Variants in DMPK observed in about 807,000 individuals in gnomAD.
The protein encoded by DMPK is DM1 protein kinase, also known as myotonin-protein kinase.
A neutral mutation model predicts 70.3 loss-of-function variants in DMPK; 32 were observed. The ratio of observed to expected loss-of-function variants is 0.46; its 90% CI spans 0.34 to 0.61. The LOEUF (loss-of-function observed/expected upper bound fraction) is 0.61, where lower values mean the gene tolerates loss of function less well. Among genes scored for constraint, DMPK ranks in the 20% least tolerant of loss-of-function variants. The pLI is 0.01. For synonymous variants in DMPK, 469 were observed against 390.9 expected, an observed-to-expected ratio of 1.20 and a Z score of -2.36; for missense variants, 899 against 886.0, an observed-to-expected ratio of 1.01 and a Z score of -0.19.
chr19:45,771,637 G>C lies in DMPK; in HGVS notation c.1531C>G (p.Arg511Gly). 1 of 1,614,014 alleles carries C rather than the reference G, an allele frequency of 6.2e-7. No homozygotes were observed. The highest frequency in any genetic ancestry group is 8.5e-7 in the Non-Finnish European group (1 of 1,179,946). The change falls in exon 12 of 15, where the codon CGG becomes GGG. Residue 511 changes from arginine to glycine, a missense_variant. Physicochemically the swap from Arg to Gly is moderately radical, Grantham distance 125. This residue lies in a region of DMPK where 555 missense variants were observed against 483.8 expected (regional missense o/e 1.15). Transcript: ENST00000291270. ...SQLREAEARN[R>G]DLEAHVRQLQ... ...TGCCGGACGTGTGCCTCTAGGTCCC[G>C]GTTCCGAGCCTCTGCCTCGCGTAGT...
Position 45,772,747 on chromosome 19 carries a change from C to G in DMPK, c.1238G>C (p.Ser413Thr), listed in dbSNP as rs1201374782. The change falls in exon 10 of 15, where the codon AGT becomes ACT. Residue 413 changes from serine to threonine, a missense_variant. Transcript: ENST00000291270. ...CATGGGTGTGGGGCCTGGGACCTCACTGTCCCTGGGGAGAGGAGGAGGGAG... is the reference window on the plus strand; with the variant it reads ...CATGGGTGTGGGGCCTGGGACCTCAGTGTCCCTGGGGAGAGGAGGAGGGAG... ...YSYSCMALRD[S>T]EVPGPTPMEL... The G allele has an allele frequency of 5.4e-6, 8 of 1,492,514 alleles. No individual in the cohort carries two copies. The highest frequency in any genetic ancestry group is 7.1e-6 in the Non-Finnish European group (8 of 1,129,456). 92.5% of individuals were successfully genotyped at this position (1,492,514 alleles called of 1,614,324 possible). A position where few individuals can be genotyped will look rare whatever the true frequency, so the allele number is the denominator to read the frequency against.
In DMPK at chr19:45,770,935, G is replaced by T. The variant is rs937784339; in HGVS notation, c.1737+36C>A. On this transcript the variant is annotated intron_variant, in intron 14 of 14. Transcript: ENST00000291270. ...GCAAGGGGCGGGTGGAGCGCGGGGC[G>T]CGACGGCGGAGGGGGGCGTGGGCAG... The T allele has an allele frequency of 4.4e-6, 6 of 1,378,038 alleles. No homozygotes were observed. In the South Asian group the frequency reaches 6.1e-5, roughly 14 times the overall value. 85.4% of individuals were successfully genotyped at this position (1,378,038 alleles called of 1,614,324 possible).
chr19:45,774,204 A>G (rs953671889), intron 9 of DMPK, among the ~76,000 whole-genome samples: 1 of 150,622 alleles, frequency 6.6e-6, no homozygotes, highest in Admixed American at 6.6e-5. Flanking sequence ...CACCCACCTC[A>G]TCCTCCCAAA....
chr19:45,771,629 T>G lies in DMPK; in HGVS notation c.1539A>C (p.Leu513=), dbSNP rs757038408. The G allele has an allele frequency of 2.0e-5, 33 of 1,613,878 alleles. 1 individual carries two copies. In the East Asian group the frequency reaches 6.2e-4, roughly 31 times the overall value. ...CCTGCAACTGCCGGACGTGTGCCTCTAGGTCCCGGTTCCGAGCCTCTGCCT... is the reference window on the plus strand; with the variant it reads ...CCTGCAACTGCCGGACGTGTGCCTCGAGGTCCCGGTTCCGAGCCTCTGCCT... ...LREAEARNRD[L]EAHVRQLQER... Residue 513 remains leucine (L), a synonymous_variant, in exon 12 of 15, where the codon CTA becomes CTC. Coordinates refer to ENST00000291270, the MANE Select transcript of DMPK (RefSeq NM_004409.5).
chr19:45,779,492 G>A lies in DMPK; in HGVS notation c.283C>T (p.Gln95Ter). The A allele has an allele frequency of 1.2e-6, 2 of 1,613,824 alleles. No individual in the cohort carries two copies. The highest frequency in any genetic ancestry group is 2.2e-5 in the East Asian group (1 of 44,884). ...VAVVKMKQTG[Q>*]VYAMKIMNKW... The stretch of plus-strand genomic sequence containing the variant: ...TTCATGATCTTCATGGCATACACCT[G>A]GCCCGTCTGCTTCATCTTCACTACC... Residue 95 changes from glutamine (Q) to a stop codon, truncating the protein, a stop_gained, in exon 3 of 15, where the codon CAG becomes TAG. Coordinates refer to ENST00000291270, the MANE Select transcript of DMPK (RefSeq NM_004409.5). LOFTEE classifies it high-confidence loss of function.
At chr19:45,773,058 G>A (rs1002951004) in intron 9 of DMPK, among the ~76,000 whole-genome samples, 14 of 152,168 alleles carry the variant, frequency 9.2e-5, no homozygotes, top group African/African-American at 2.2e-4. Context: ...ACATGTGACC[G>A]CTGCAGACCC....
intron 4 of DMPK, 61 bp downstream of exon 4, chr19:45,779,203 C>G: frequency 6.5e-7 from 1 of 1,550,006 alleles, no homozygotes; most frequent in South Asian, 1.1e-5. Flanking sequence ...TCCCCACCTC[C>G]TCGTCCAGTG....
chr19:45,778,528 G>C lies in DMPK; in HGVS notation c.546C>G (p.Ala182=), dbSNP rs1397833249. 9 of 1,613,808 alleles carry C rather than the reference G, an allele frequency of 5.6e-6. No homozygotes were observed. The highest frequency in any genetic ancestry group is 6.8e-6 in the Non-Finnish European group (8 of 1,180,026). The change falls in exon 5 of 15, where the codon GCC becomes GCG. Residue 182 remains alanine (A), a synonymous_variant. Transcript: ENST00000291270. ...AGCCAAGCCGGTGCACCGAGTCTAT[G>C]GCCATGACAATCTCCGCCAGGTAGA... ...ARFYLAEIVM[A]IDSVHRLGYV... is the part of the protein sequence containing the mutation.
chr19:45,774,673 C>T (rs895662102), intron 9 of DMPK, among the ~76,000 whole-genome samples: 3 of 152,174 alleles, frequency 2.0e-5, no homozygotes, highest in Non-Finnish European at 2.9e-5. Context: ...GTTCTGAAGT[C>T]CTGTGGCTCT....
rs56411618 is a variant in DMPK, at chr19:45,778,181, G to A, written c.621C>T (p.Gly207=). Residue 207 remains glycine (G), a synonymous_variant, in exon 6 of 15, where the codon GGC becomes GGT. Transcript: ENST00000291270. ...AGCCGAAGTCGGCCAGGCGGATGTG[G>A]CCACAGCGGTCCAGCAGGATGTTGT... ...KPDNILLDRC[G]HIRLADFGSC... is the part of the protein sequence containing the mutation. The A allele has an allele frequency of 1.0e-3, 1,674 of 1,613,838 alleles. 29 individuals carry two copies. In the East Asian group the frequency reaches 0.033, roughly 32 times the overall value.
chr19:45,774,994 A>T lies in DMPK; in HGVS notation c.1187T>A (p.Val396Asp). Residue 396 changes from valine (V) to aspartate (D), a missense_variant, in exon 9 of 15, where the codon GTC (valine) becomes GAC (aspartate). Val to Asp is a radical substitution (Grantham distance 152). Around this residue, in one of 3 missense-constraint regions of DMPK, gnomAD observed 555 missense variants for 483.8 expected, o/e 1.15. Transcript: ENST00000291270. ...GGAGTAGCCCACAAAAGGCAGGTGGACCCCTAGCGGCGCACCTTCCCGAAT... is the reference window on the plus strand; with the variant it reads ...GGAGTAGCCCACAAAAGGCAGGTGGTCCCCTAGCGGCGCACCTTCCCGAAT... The part of the protein sequence containing the change: ...SDIREGAPLG[V>D]HLPFVGYSYS... The T allele has an allele frequency of 6.2e-6, 10 of 1,613,610 alleles. No individual in the cohort carries two copies. The highest frequency in any genetic ancestry group is 7.6e-6 in the Non-Finnish European group (9 of 1,179,930).
At position 45,782,307 on chromosome 19, in the gene DMPK, C is replaced by A; in HGVS notation, c.46G>T (p.Asp16Tyr). 6.3e-7 allele frequency: 1 copy of A among 1,591,638 alleles called. No homozygotes were observed. Residue 16 changes from aspartate (D) to tyrosine (Y), a missense_variant, in exon 1 of 15, where the codon GAC becomes TAC. Physicochemically the swap from Asp to Tyr is radical, Grantham distance 160. Coordinates refer to ENST00000291270, the MANE Select transcript of DMPK (RefSeq NM_004409.5). Reference sequence around the variant, plus strand: ...GGCTCCAGCCCCAGGAAGCCCGGGTCCAACACCAGCTGCTGGAGCCGCCTC... The same window carrying A: ...GGCTCCAGCCCCAGGAAGCCCGGGTACAACACCAGCTGCTGGAGCCGCCTC... ...RLRRLQQLVL[D>Y]PGFLGLEPLL... is the part of the protein sequence containing the mutation.
At position 45,770,230 on chromosome 19, in the gene DMPK, AGCAGCAGCAG is replaced by A. The variant is rs1969284015; in HGVS notation, c.*248_*257del. 14 of 297,898 alleles carry A rather than the reference AGCAGCAGCAG, an allele frequency of 4.7e-5. No individual in the cohort carries two copies. Among genetic ancestry groups the A allele is most frequent in the African/African-American group, 8.0e-5 (1 of 12,460 alleles). The allele number at this position is 297,898 out of a possible 1,614,324, so 18.5% of individuals were successfully genotyped here. A position where few individuals can be genotyped will look rare whatever the true frequency, so the allele number is the denominator to read the frequency against. Reference sequence around the variant, plus strand: ...CAGCAGCAGCAGCAGCAGCAGCAGCAGCAGCAGCAGCAGCAGCAGCAGCAGCAGCAGCAGC... The same window carrying A: ...CAGCAGCAGCAGCAGCAGCAGCAGCACAGCAGCAGCAGCAGCAGCAGCAGC... On this transcript the variant is annotated 3_prime_UTR_variant, in exon 15 of 15. Transcript: ENST00000291270.
chr19:45,770,985 G>C lies in DMPK; in HGVS notation c.1723C>G (p.Leu575Val). 7.0e-7 allele frequency: 1 copy of C among 1,434,804 alleles called. No homozygotes were observed. The allele number at this position is 1,434,804 out of a possible 1,614,324, so 88.9% of individuals were successfully genotyped here. ...GCCGGACGTACCCTGGCAGGGAGCA[G>C]CAGGTGGCGGCGGTGCATGGGGCCT... ...GPGPMHRRHL[L>V]LPARVPRPGL... Residue 575 changes from leucine to valine, a missense_variant, in exon 14 of 15, where the codon CTG becomes GTG. By Grantham distance (32) the Leu-to-Val change is conservative. This residue lies in a region of DMPK where 555 missense variants were observed against 483.8 expected (regional missense o/e 1.15). Transcript: ENST00000291270.
intron 4 of DMPK, 125 bp from the exon 5 acceptor site, chr19:45,778,766 G>A (rs894635300): frequency 2.0e-6 from 2 of 1,021,660 alleles, no homozygotes; most frequent in Non-Finnish European, 2.8e-6. Context: ...CCAGCCCAGA[G>A]ATAACCATAG....
intron 1 of DMPK, among the ~76,000 whole-genome samples, chr19:45,781,254 G>A (rs1288031687): frequency 2.6e-5 from 4 of 152,164 alleles, no homozygotes; most frequent in Non-Finnish European, 5.9e-5. Flanking sequence ...ACATATGAGG[G>A]CCAGAGGGGC....
chr19:45,770,319 C>A lies in DMPK; in HGVS notation c.*169G>T, dbSNP rs1219584828. The A allele has an allele frequency of 1.1e-6, 1 of 944,416 alleles. No homozygotes were observed. Among genetic ancestry groups the A allele is most frequent in the Non-Finnish European group, 1.6e-6 (1 of 625,556 alleles). 58.5% of individuals were successfully genotyped at this position (944,416 alleles called of 1,614,324 possible). A position where few individuals can be genotyped will look rare whatever the true frequency, so the allele number is the denominator to read the frequency against. The stretch of plus-strand genomic sequence containing the variant: ...CCGTTCGCCGGCCGCGGACCCGGCC[C>A]CTCCCTCCCCGGCCGCTAGGGGGCG... On this transcript the variant is annotated 3_prime_UTR_variant, in exon 15 of 15. Coordinates refer to ENST00000291270, the MANE Select transcript of DMPK (RefSeq NM_004409.5).
chr19:45,775,070 A>C, intron 8 of DMPK, 36 bp from the exon 9 acceptor site: 1 of 1,561,384 alleles, frequency 6.4e-7, no homozygotes, highest in East Asian at 2.3e-5. Context: ...AGCAGTCGTC[A>C]GGGCGGGCCC....
At chr19:45,775,818 C>CTTTT (rs1302500628) in intron 8 of DMPK, among the ~76,000 whole-genome samples, 3 of 84,500 alleles carry the variant, frequency 3.6e-5, no homozygotes, top group Non-Finnish European at 4.7e-5. Flanking sequence ...TTGCCCAACC[C>CTTTT]TTTTTTTTTT....
Sources: allele counts gnomAD v4.1 joint callset (sites outside exome capture counted in the v4.1 genomes callset), GRCh38; gene constraint gnomAD v4.1.1; regional missense constraint gnomAD v4.1.1; transcripts MANE v1.5; gene names NCBI Gene and HGNC (gene_info 2026-07-23, HGNC 2026-07-21).